ZBTB8A: variants seen among roughly 807,000 people sequenced by gnomAD.
The protein encoded by ZBTB8A is zinc finger and BTB domain containing 8A, also known as zinc finger and BTB domain-containing protein 8A.
A neutral mutation model predicts 37.8 loss-of-function variants in ZBTB8A; 19 were observed. The ratio of observed to expected loss-of-function variants is 0.50; its 90% CI spans 0.35 to 0.74. The LOEUF (loss-of-function observed/expected upper bound fraction) is 0.74. Ranked by LOEUF, ZBTB8A falls within the 30% of genes least tolerant of loss-of-function variation. ZBTB8A has a pLI of 0.01. For missense variants in ZBTB8A, 394 were observed against 537.8 expected, an observed-to-expected ratio of 0.73 and a Z score of 2.65; for synonymous variants, 181 against 185.2, an observed-to-expected ratio of 0.98 and a Z score of 0.19.
At chr1:32,584,857 T>C (rs549957225) in intron 2 of ZBTB8A, among the ~76,000 whole-genome samples, 1 of 151,886 alleles carries the variant, frequency 6.6e-6, no homozygotes, top group Admixed American at 6.6e-5. Flanking sequence ...TAGCAGTGTT[T>C]CCATTCAGCA....
At chr1:32,542,568 C>T (rs1363604774) in intron 1 of ZBTB8A, among the ~76,000 whole-genome samples, 2 of 151,958 alleles carry the variant, frequency 1.3e-5, no homozygotes, top group African/African-American at 2.4e-5. Flanking sequence ...AGCAAGACTC[C>T]GTCTCAAAAA....
intron 2 of ZBTB8A, among the ~76,000 whole-genome samples, chr1:32,585,770 A>G (rs1255464694): frequency 2.0e-5 from 3 of 152,116 alleles, no homozygotes; most frequent in Non-Finnish European, 2.9e-5. Flanking sequence ...TGGGAGGCCA[A>G]GGTGGGTGGA....
chr1:32,600,420 C>T lies in ZBTB8A; in HGVS notation c.*1C>T, dbSNP rs772798386. Reference sequence around the variant, plus strand: ...AGAAATTAAGCCCAACATTAGGTAGCTGTAATGTGAACCAACAGAGCTGGC... The same window carrying T: ...AGAAATTAAGCCCAACATTAGGTAGTTGTAATGTGAACCAACAGAGCTGGC... On this transcript the variant is annotated 3_prime_UTR_variant, in exon 5 of 5. Transcript: ENST00000373510. 6 of 1,601,294 alleles carry T rather than the reference C, an allele frequency of 3.7e-6. No individual in the cohort carries two copies. Among genetic ancestry groups the T allele is most frequent in the South Asian group, 3.3e-5 (3 of 90,328 alleles).
rs1484765992 is a variant in ZBTB8A at position 32,603,755 on chromosome 1, A to G, written c.*3336A>G. The G allele has an allele frequency of 6.6e-6, 1 of 152,644 alleles. No individual in the cohort carries two copies. The highest frequency in any genetic ancestry group is 1.5e-5 in the Non-Finnish European group (1 of 68,040). 9.5% of individuals were successfully genotyped at this position (152,644 alleles called of 1,614,324 possible). On this transcript the variant is annotated 3_prime_UTR_variant, in exon 5 of 5. Transcript: ENST00000373510. Reference sequence around the variant, plus strand: ...CAGCACTTGTAATTGCCTTTTCAGAAATAATGCTTTCTCATAATTGTTTAT... The same window carrying G: ...CAGCACTTGTAATTGCCTTTTCAGAGATAATGCTTTCTCATAATTGTTTAT...
At chr1:32,544,537 A>T (rs1453466065) in intron 1 of ZBTB8A, among the ~76,000 whole-genome samples, 2 of 152,234 alleles carry the variant, frequency 1.3e-5, no homozygotes, top group African/African-American at 2.4e-5. Flanking sequence ...TCTCCACTAA[A>T]AGTACAAAAA....
intron 2 of ZBTB8A, among the ~76,000 whole-genome samples, chr1:32,554,459 CTTTTATTTATTT>C (rs1292836774): frequency 7.2e-6 from 1 of 139,556 alleles, no homozygotes; most frequent in East Asian, 2.0e-4. Flanking sequence ...ACATTTTAAT[CTTTTATTTATTT>C]ATTTATTTAT....
intron 4 of ZBTB8A, 97 bp from the exon 5 acceptor site, chr1:32,599,990 G>A: frequency 1.1e-6 from 1 of 930,564 alleles, no homozygotes; most frequent in Non-Finnish European, 1.6e-6. Context: ...TTTAATGCAT[G>A]GCTTTGAACA....
intron 2 of ZBTB8A, among the ~76,000 whole-genome samples, chr1:32,554,166 C>T (rs953109990): frequency 6.8e-6 from 1 of 146,224 alleles, no homozygotes; most frequent in African/African-American, 2.6e-5. Flanking sequence ...CACCAGTGCA[C>T]TCCAGCCTGG....
chr1:32,571,732 G>A (rs1193093724), intron 2 of ZBTB8A, among the ~76,000 whole-genome samples: 2 of 151,822 alleles, frequency 1.3e-5, no homozygotes, highest in African/African-American at 4.8e-5. Flanking sequence ...CCGCCACCAC[G>A]CCCAGCTAAT....
At chr1:32,540,143 A>T (rs886844925) in intron 1 of ZBTB8A, among the ~76,000 whole-genome samples, 2 of 152,132 alleles carry the variant, frequency 1.3e-5, no homozygotes, top group Non-Finnish European at 2.9e-5. Context: ...ACCGCGCCTA[A>T]CCAATGTTGA....
intron 2 of ZBTB8A, among the ~76,000 whole-genome samples, chr1:32,572,944 A>G (rs1304160339): frequency 1.3e-5 from 2 of 151,652 alleles, no homozygotes; most frequent in Non-Finnish European, 2.9e-5. Context: ...TGATACTGAT[A>G]CAGATAACCA....
At chr1:32,567,841 A>AAAAC (rs1166678157) in intron 2 of ZBTB8A, among the ~76,000 whole-genome samples, 1 of 134,338 alleles carries the variant, frequency 7.4e-6, no homozygotes, top group Non-Finnish European at 1.6e-5. Flanking sequence ...AAAACAAAAC[A>AAAAC]AAAAAAAGAT....
intron 2 of ZBTB8A, among the ~76,000 whole-genome samples, chr1:32,579,307 G>A (rs906602323): frequency 8.6e-5 from 13 of 151,798 alleles, no homozygotes; most frequent in African/African-American, 2.9e-4. Context: ...AAAATTAGCC[G>A]GGGCATGGTG....
chr1:32,583,347 C>T (rs747321415), intron 2 of ZBTB8A, among the ~76,000 whole-genome samples: 4 of 148,920 alleles, frequency 2.7e-5, no homozygotes, highest in Non-Finnish European at 4.4e-5. Flanking sequence ...GCCACTGGCA[C>T]TCCAGCCTGG....
chr1:32,584,937 C>T (rs1024820819), intron 2 of ZBTB8A, among the ~76,000 whole-genome samples: 1 of 149,898 alleles, frequency 6.7e-6, no homozygotes, highest in Admixed American at 6.7e-5. Flanking sequence ...ATAGGACAAA[C>T]ATAAGAAATG....
intron 2 of ZBTB8A, among the ~76,000 whole-genome samples, chr1:32,560,893 T>G (rs1422186574): frequency 6.6e-6 from 1 of 152,134 alleles, no homozygotes; most frequent in African/African-American, 2.4e-5. Flanking sequence ...CCCAAAGTGC[T>G]GGGATTACAG....
In ZBTB8A at chr1:32,558,438, A is replaced by AACACACACACAC. The variant is rs35047367; in HGVS notation, c.-2+4924_-2+4935dup. On this transcript the variant is annotated intron_variant, in intron 2 of 4. Coordinates refer to ENST00000373510, the MANE Select transcript of ZBTB8A (RefSeq NM_001040441.3). ...TACTTTCTAGAAGAGCTAAGTATTA[A>AACACACACACAC]ACACACACACACACACACACACACA... Among the ~76,000 whole-genome samples the AACACACACACAC allele has an allele frequency of 1.3e-3, 189 of 145,766 alleles. 1 individual carries two copies. Among genetic ancestry groups the AACACACACACAC allele is most frequent in the African/African-American group, 4.1e-3 (161 of 39,708 alleles).
rs969696984 is a variant in ZBTB8A at position 32,582,651 on chromosome 1, AAAG to A, written c.-1-10276_-1-10274del. On this transcript the variant is annotated intron_variant, in intron 2 of 4. Coordinates refer to ENST00000373510, the MANE Select transcript of ZBTB8A (RefSeq NM_001040441.3). ...GGAGTGAAACTCTCTCAAAAAAAAA[AAAG>A]AAGGATACTCAACCTGTAAAAGATT... Among the ~76,000 whole-genome samples the A allele has an allele frequency of 5.3e-5, 8 of 152,086 alleles. No homozygotes were observed. The East Asian group carries it at 7.7e-4, about 15-fold the overall frequency.
chr1:32,567,514 G>T (rs1644289225), intron 2 of ZBTB8A, among the ~76,000 whole-genome samples: 1 of 151,930 alleles, frequency 6.6e-6, no homozygotes, highest in Non-Finnish European at 1.5e-5. Context: ...TGTAATTTAG[G>T]CTGGGCATGG....
Sources: gnomAD v4.1 joint callset for allele counts (sites outside exome capture counted in the v4.1 genomes callset) on GRCh38, gnomAD v4.1.1 for gene constraint, MANE v1.5 for transcripts, NCBI Gene and HGNC (gene_info 2026-07-23, HGNC 2026-07-21) for gene names.